Variants in AFF1 observed in about 807,000 individuals in gnomAD.
AFF1 encodes the protein AF4/FMR2 family member 1.
In AFF1, 48 loss-of-function variants were observed where a neutral mutation model predicts 121.7. The ratio of observed to expected loss-of-function variants is 0.39; its 90% CI spans 0.31 to 0.50. The LOEUF is 0.50. Among genes scored for constraint, AFF1 ranks in the 20% least tolerant of loss-of-function variants. The pLI is 0.76. For synonymous variants in AFF1, 613 were observed against 563.0 expected, an observed-to-expected ratio of 1.09 and a Z score of -1.26; for missense variants, 1,523 against 1,511.7, an observed-to-expected ratio of 1.01 and a Z score of -0.12.
At chr4:87,081,152 A>ATTTTTTTTTTTTTTTTTTTTTTTT (rs549510832) in intron 4 of AFF1, among the ~76,000 whole-genome samples, 1 of 89,718 alleles carries the variant, frequency 1.1e-5, no homozygotes, top group Non-Finnish European at 2.1e-5. Flanking sequence ...AATGAAATGA[A>ATTTTTTTTTTTTTTTTTTTTTTTT]TTTTTTTTTT....
chr4:86,947,751 A>C (rs997291841), intron 1 of AFF1, among the ~76,000 whole-genome samples: 1 of 151,788 alleles, frequency 6.6e-6, no homozygotes, highest in African/African-American at 2.4e-5. Context: ...TTGGATAATA[A>C]TTTTTCCCCC....
At chr4:87,007,398 A>T in intron 2 of AFF1, 1 of 1,614,074 alleles carries the variant, frequency 6.2e-7, no homozygotes. Context: ...CTGGCTCTAT[A>T]AGCTGAATTA....
intron 10 of AFF1, among the ~76,000 whole-genome samples, chr4:87,107,862 C>T (rs1726078137): frequency 6.6e-6 from 1 of 152,174 alleles, no homozygotes; most frequent in East Asian, 1.9e-4. Context: ...AATGGTTTAC[C>T]AACCCTTGAT....
At chr4:87,121,527 A>G (rs1727690467) in intron 12 of AFF1, among the ~76,000 whole-genome samples, 1 of 152,198 alleles carries the variant, frequency 6.6e-6, no homozygotes, top group Non-Finnish European at 1.5e-5. Context: ...TACTCTGGGG[A>G]AGCCTCTGTG....
intron 2 of AFF1, chr4:86,950,188 AT>A: frequency 2.1e-6 from 3 of 1,399,872 alleles, no homozygotes; most frequent in Non-Finnish European, 3.0e-6. Context: ...AGGTATTATT[AT>A]TTTTTTAAGA....
At chr4:86,950,960 G>C in intron 2 of AFF1, among the ~76,000 whole-genome samples, 1 of 152,182 alleles carries the variant, frequency 6.6e-6, no homozygotes, top group East Asian at 1.9e-4. Flanking sequence ...GCTGGCACTT[G>C]TACGATTTCA....
chr4:87,068,210 T>C (rs983912392), intron 4 of AFF1, among the ~76,000 whole-genome samples: 1 of 151,806 alleles, frequency 6.6e-6, no homozygotes, highest in African/African-American at 2.4e-5. Flanking sequence ...ACGTGTGTAT[T>C]GTTATTTTTG....
intron 2 of AFF1, among the ~76,000 whole-genome samples, chr4:86,991,576 A>G (rs1560523091): frequency 6.6e-6 from 1 of 152,218 alleles, no homozygotes; most frequent in Non-Finnish European, 1.5e-5. Context: ...TATAGTCACA[A>G]AATGATTGTC....
At chr4:87,027,452 T>A (rs951111481) in intron 2 of AFF1, among the ~76,000 whole-genome samples, 6 of 152,228 alleles carry the variant, frequency 3.9e-5, no homozygotes, top group Non-Finnish European at 7.3e-5. Flanking sequence ...TGCTATAATA[T>A]TTCATAGATA....
intron 2 of AFF1, among the ~76,000 whole-genome samples, chr4:86,991,700 G>T (rs1201724921): frequency 6.6e-6 from 1 of 151,872 alleles, no homozygotes; most frequent in Non-Finnish European, 1.5e-5. Flanking sequence ...GGGTGCAGTG[G>T]ACATCCCTTA....
At chr4:87,043,472 T>C (rs1211312723) in intron 2 of AFF1, among the ~76,000 whole-genome samples, 1 of 152,240 alleles carries the variant, frequency 6.6e-6, no homozygotes, top group African/African-American at 2.4e-5. Flanking sequence ...CTAATCAGCC[T>C]GCTTACTTGG....
chr4:87,032,299 C>T (rs1249457522), intron 2 of AFF1, among the ~76,000 whole-genome samples: 2 of 152,198 alleles, frequency 1.3e-5, no homozygotes, highest in African/African-American at 4.8e-5. Flanking sequence ...AATAATCTCC[C>T]TGTTCTTCCT....
chr4:87,055,049 C>T (rs1048519030), intron 4 of AFF1, among the ~76,000 whole-genome samples: 2 of 152,164 alleles, frequency 1.3e-5, no homozygotes, highest in Non-Finnish European at 1.5e-5. Flanking sequence ...ACGATCACAG[C>T]TCACTTCAGC....
intron 2 of AFF1, among the ~76,000 whole-genome samples, chr4:86,967,264 AAG>A (rs762350288): frequency 5.0e-4 from 76 of 152,274 alleles, no homozygotes; most frequent in Non-Finnish European, 7.1e-4. Context: ...GAGTGGATAA[AAG>A]AGAGATGTGT....
chr4:87,063,543 C>T (rs1280340910), intron 4 of AFF1, among the ~76,000 whole-genome samples: 1 of 151,804 alleles, frequency 6.6e-6, no homozygotes, highest in African/African-American at 2.4e-5. Context: ...CCGGCCAGAT[C>T]CACCTCTTTA....
At chr4:86,948,402 G>A in intron 1 of AFF1, 96 bp from the exon 2 acceptor site, 3 of 746,118 alleles carry the variant, frequency 4.0e-6, no homozygotes, top group South Asian at 4.7e-5. Context: ...TGAGAACTTG[G>A]AATTCTGTCT....
intron 11 of AFF1, among the ~76,000 whole-genome samples, chr4:87,112,855 TTAAGA>T (rs1037438917): frequency 6.6e-5 from 10 of 152,362 alleles, no homozygotes; most frequent in Admixed American, 3.3e-4. Flanking sequence ...AGTATTTTTC[TTAAGA>T]TAAGGACATA....
intron 2 of AFF1, among the ~76,000 whole-genome samples, chr4:86,978,805 T>G (rs971463969): frequency 2.6e-5 from 4 of 152,190 alleles, no homozygotes; most frequent in Admixed American, 2.6e-4. Context: ...AGTTACAAGG[T>G]TTTATTACAG....
At chr4:87,021,685 GA>G (rs1470047223) in intron 2 of AFF1, among the ~76,000 whole-genome samples, 1 of 152,182 alleles carries the variant, frequency 6.6e-6, no homozygotes, top group Non-Finnish European at 1.5e-5. Context: ...ATGTCTTCCT[GA>G]ATCTCAGTAA....
Sources: allele counts gnomAD v4.1 joint callset (sites outside exome capture counted in the v4.1 genomes callset), GRCh38; gene constraint gnomAD v4.1.1; transcripts MANE v1.5; gene names NCBI Gene and HGNC (gene_info 2026-07-23, HGNC 2026-07-21).